The following BLNK variants were observed in gnomAD, a reference collection of about 807,000 sequenced individuals.
BLNK encodes B cell linker.
A neutral mutation model predicts 73.5 loss-of-function variants in BLNK; 29 were observed. The observed-to-expected ratio is 0.39, with a 90% CI of 0.29 to 0.54. BLNK has a LOEUF of 0.54. Among genes scored for constraint, BLNK ranks in the 20% least tolerant of loss-of-function variants. The pLI is 0.61. For synonymous variants in BLNK, 176 were observed against 200.8 expected (o/e 0.88, Z 1.04); for missense variants, 460 against 562.8 (o/e 0.82, Z 1.85).
Position 96,200,807 on chromosome 10 carries a change from GA to G in BLNK, c.1011+174del, listed in dbSNP as rs1302015332. 4.6e-5 allele frequency among the ~76,000 whole-genome samples: 7 copies of G among 151,456 alleles called. No homozygotes were observed. The East Asian group carries it at 1.4e-3, about 29-fold the overall frequency. On this transcript the variant is annotated intron_variant, in intron 14 of 16. Coordinates refer to ENST00000224337, the MANE Select transcript of BLNK (RefSeq NM_013314.4). The surrounding 1 kb of genome is among the most constrained non-coding windows in gnomAD (Gnocchi z 4.3). The stretch of plus-strand genomic sequence containing the variant: ...TAACTGGAGCAATGTCTTAGTCATT[GA>G]AAAAAAACAACAACTGGGTATTCTG...
chr10:96,239,344 CA>C (rs782108860), intron 3 of BLNK, among the ~76,000 whole-genome samples: 1 of 152,176 alleles, frequency 6.6e-6, no homozygotes, highest in African/African-American at 2.4e-5. Context: ...TCTTCTAGTT[CA>C]GGCCTGCATA....
At chr10:96,207,347 C>A (rs902403989) in intron 10 of BLNK, among the ~76,000 whole-genome samples, 1 of 152,070 alleles carries the variant, frequency 6.6e-6, no homozygotes, top group African/African-American at 2.4e-5. Context: ...CACATAGTAA[C>A]CCATGTACAG....
chr10:96,203,990 G>A (rs1554896812), intron 13 of BLNK, 67 bp downstream of exon 13: 1 of 1,367,182 alleles, frequency 7.3e-7, no homozygotes, highest in African/African-American at 1.4e-5. Flanking sequence ...TAGAACCCAG[G>A]CCTATCAGAC....
chr10:96,236,348 G>T (rs1468136879), intron 3 of BLNK, among the ~76,000 whole-genome samples: 5 of 152,168 alleles, frequency 3.3e-5, no homozygotes, highest in Admixed American at 6.5e-5. Flanking sequence ...CAGTTGTGGT[G>T]GTGGGGACAG....
rs782707547 is a variant in BLNK, at chr10:96,207,853, A to G, written c.774+19T>C. The G allele has an allele frequency of 1.2e-6, 2 of 1,613,690 alleles. No homozygotes were observed. Among genetic ancestry groups the G allele is most frequent in the South Asian group, 1.1e-5 (1 of 91,064 alleles). The stretch of plus-strand genomic sequence containing the variant: ...ACTGCAGGAAATATGAAGCACTTTT[A>G]AATGCAAAATTAACTTACTGTCTTC... On this transcript the variant is annotated intron_variant, in intron 10 of 16. Coordinates refer to ENST00000224337, the MANE Select transcript of BLNK (RefSeq NM_013314.4).
At chr10:96,233,308 G>A (rs907777959) in intron 3 of BLNK, among the ~76,000 whole-genome samples, 15 of 152,174 alleles carry the variant, frequency 9.9e-5, no homozygotes, top group African/African-American at 3.4e-4. Context: ...TGAAAGTAGT[G>A]CATTAGCCAT....
At chr10:96,194,783 T>TTTTTTC (rs1378787229) in intron 16 of BLNK, among the ~76,000 whole-genome samples, 1 of 145,366 alleles carries the variant, frequency 6.9e-6, no homozygotes, top group Non-Finnish European at 1.5e-5. Context: ...TTTTTTTTTT[T>TTTTTTC]TTTTTGAGAC....
At chr10:96,259,493 C>T (rs1190982446) in intron 1 of BLNK, among the ~76,000 whole-genome samples, 1 of 152,024 alleles carries the variant, frequency 6.6e-6, no homozygotes, top group Non-Finnish European at 1.5e-5. Context: ...AAGGACGCCA[C>T]CATAATCCAT....
At chr10:96,218,474 A>G (rs587736833) in intron 6 of BLNK, among the ~76,000 whole-genome samples, 3 of 152,246 alleles carry the variant, frequency 2.0e-5, no homozygotes, top group Admixed American at 2.0e-4. Context: ...GTGGATAGAT[A>G]AGAGTCCAGG....
intron 1 of BLNK, among the ~76,000 whole-genome samples, chr10:96,252,384 A>G (rs1344540037): frequency 6.6e-6 from 1 of 152,150 alleles, no homozygotes; most frequent in African/African-American, 2.4e-5. Flanking sequence ...GGTGGTGCTG[A>G]TGCTACCAGT....
At chr10:96,237,913 G>A (rs782277273) in intron 3 of BLNK, among the ~76,000 whole-genome samples, 5 of 152,076 alleles carry the variant, frequency 3.3e-5, no homozygotes, top group South Asian at 2.1e-4. Flanking sequence ...TCTATATAAC[G>A]GTGCTAATGA....
At chr10:96,240,601 C>T (rs1454111894) in intron 3 of BLNK, among the ~76,000 whole-genome samples, 1 of 152,050 alleles carries the variant, frequency 6.6e-6, no homozygotes, top group Non-Finnish European at 1.5e-5. Context: ...GTGTGGCCAT[C>T]AGGATAGACA....
At chr10:96,252,948 C>A (rs1170688645) in intron 1 of BLNK, among the ~76,000 whole-genome samples, 1 of 152,128 alleles carries the variant, frequency 6.6e-6, no homozygotes, top group Non-Finnish European at 1.5e-5. Flanking sequence ...AGACTCCAAC[C>A]TAGAAAAAGG....
intron 1 of BLNK, among the ~76,000 whole-genome samples, chr10:96,256,805 C>T (rs930053026): frequency 2.9e-5 from 4 of 137,182 alleles, no homozygotes; most frequent in African/African-American, 8.1e-5. Context: ...CACTTGAACC[C>T]GGGAGGCAGA....
At chr10:96,213,046 A>T (rs1424177229) in intron 8 of BLNK, among the ~76,000 whole-genome samples, 2 of 152,216 alleles carry the variant, frequency 1.3e-5, no homozygotes, top group Non-Finnish European at 2.9e-5. Flanking sequence ...CAGCTATACC[A>T]GGTTAATAGC....
chr10:96,245,995 T>TA (rs1274606637), intron 2 of BLNK, among the ~76,000 whole-genome samples: 43 of 152,288 alleles, frequency 2.8e-4, no homozygotes, highest in African/African-American at 9.9e-4. Context: ...TAGTTTTATT[T>TA]AAAAAATTTA....
In BLNK at chr10:96,200,208, T is replaced by G; in HGVS notation, c.1012-50A>C. The G allele has an allele frequency of 6.6e-7, 1 of 1,506,360 alleles. No individual in the cohort carries two copies. Among genetic ancestry groups the G allele is most frequent in the Non-Finnish European group, 9.2e-7 (1 of 1,083,372 alleles). The allele number at this position is 1,506,360 out of a possible 1,614,324, so 93.3% of individuals were successfully genotyped here. On this transcript the variant is annotated intron_variant, in intron 14 of 16. Coordinates refer to ENST00000224337, the MANE Select transcript of BLNK (RefSeq NM_013314.4). The surrounding 1 kb of genome is among the most constrained non-coding windows in gnomAD (Gnocchi z 4.3). ...GCATGGGATGGTCCCTACTTAACTC[T>G]AATTTCTGTGTACTAGAAACAAAGA... is the stretch of plus-strand genomic sequence containing the variant.
At chr10:96,232,711 A>T (rs587663215) in intron 3 of BLNK, among the ~76,000 whole-genome samples, 39 of 152,342 alleles carry the variant, frequency 2.6e-4, no homozygotes, top group Admixed American at 5.9e-4. Flanking sequence ...GTGTACTGCA[A>T]TCACTGGGGT....
intron 1 of BLNK, among the ~76,000 whole-genome samples, chr10:96,264,036 G>A (rs1554913612): frequency 1.3e-5 from 2 of 152,138 alleles, no homozygotes; most frequent in Non-Finnish European, 2.9e-5. Flanking sequence ...CCCATTTCTG[G>A]AGCAACAGGT....
Sources: gnomAD v4.1 joint callset for allele counts (sites outside exome capture counted in the v4.1 genomes callset) on GRCh38, gnomAD v4.1.1 for gene constraint, Gnocchi (gnomAD v3.1) non-coding constraint, MANE v1.5 for transcripts, NCBI Gene and HGNC (gene_info 2026-07-23, HGNC 2026-07-21) for gene names.